The following ABTB2 variants were observed in gnomAD, a reference collection of about 807,000 sequenced individuals.
ABTB2 encodes ankyrin repeat and BTB/POZ domain-containing protein 2.
ABTB2 carries 56 observed loss-of-function variants against 104.1 expected under a neutral mutation model. That is an observed-to-expected ratio of 0.54 (90% CI 0.43 to 0.67). The LOEUF is 0.67. Ranked by LOEUF, ABTB2 falls within the 30% of genes least tolerant of loss-of-function variation. The pLI is 0.00. For synonymous variants in ABTB2, 606 were observed against 608.2 expected, an observed-to-expected ratio of 1.00 and a Z score of 0.05; for missense variants, 1,279 against 1,407.7, an observed-to-expected ratio of 0.91 and a Z score of 1.46.
At chr11:34,344,041 C>T (rs887811707) in intron 1 of ABTB2, among the ~76,000 whole-genome samples, 1 of 152,100 alleles carries the variant, frequency 6.6e-6, no homozygotes, top group Non-Finnish European at 1.5e-5. Flanking sequence ...CCAAACCATT[C>T]GGACACCACT....
At chr11:34,199,540 C>G (rs1304268716) in intron 2 of ABTB2, among the ~76,000 whole-genome samples, 1 of 152,172 alleles carries the variant, frequency 6.6e-6, no homozygotes, top group Non-Finnish European at 1.5e-5. Flanking sequence ...TGAAAATCAC[C>G]AGGTGAACTG....
At chr11:34,270,279 T>A (rs1453862649) in intron 1 of ABTB2, among the ~76,000 whole-genome samples, 1 of 151,542 alleles carries the variant, frequency 6.6e-6, no homozygotes, top group Non-Finnish European at 1.5e-5. Context: ...GGTTTCAGGA[T>A]CAAACATAGC....
At chr11:34,246,436 T>C (rs1853983790) in intron 1 of ABTB2, among the ~76,000 whole-genome samples, 1 of 151,776 alleles carries the variant, frequency 6.6e-6, no homozygotes, top group Non-Finnish European at 1.5e-5. Flanking sequence ...ACTCTGTCTT[T>C]ACTAAAAATA....
intron 1 of ABTB2, among the ~76,000 whole-genome samples, chr11:34,218,391 AT>A (rs1385788563): frequency 1.3e-5 from 2 of 151,848 alleles, no homozygotes; most frequent in Non-Finnish European, 2.9e-5. Context: ...GTCATCCTAG[AT>A]TTTTTTCCCC....
intron 1 of ABTB2, among the ~76,000 whole-genome samples, chr11:34,354,888 G>C (rs1393835597): frequency 2.0e-5 from 3 of 151,524 alleles, no homozygotes; most frequent in Non-Finnish European, 4.4e-5. Flanking sequence ...CAAAAGTACA[G>C]AACTCTTTCC....
chr11:34,238,680 C>T (rs751927571), intron 1 of ABTB2, among the ~76,000 whole-genome samples: 5 of 152,232 alleles, frequency 3.3e-5, no homozygotes, highest in African/African-American at 1.2e-4. Context: ...CCTGAGCTCA[C>T]AGCCTGAGCT....
intron 1 of ABTB2, among the ~76,000 whole-genome samples, chr11:34,235,652 T>C (rs1853831721): frequency 2.0e-5 from 3 of 152,162 alleles, no homozygotes; most frequent in African/African-American, 7.2e-5. Context: ...ATCAGAGCCA[T>C]CCAGGACCTG....
chr11:34,270,171 T>C lies in ABTB2; in HGVS notation c.884-65481A>G, dbSNP rs146324619. Among the ~76,000 whole-genome samples the C allele has an allele frequency of 5.1e-3, 770 of 152,286 alleles. 4 individuals carry two copies. Among genetic ancestry groups the C allele is most frequent in the Middle Eastern group, 0.034 (10 of 294 alleles). On this transcript the variant is annotated intron_variant, in intron 1 of 16. Transcript: ENST00000435224. Reference sequence around the variant, plus strand: ...AATCCTGCCGCAGTCAGGGTGTTGATGCAGGGCTGAGAATTCTCCTCTAGA... The same window carrying C: ...AATCCTGCCGCAGTCAGGGTGTTGACGCAGGGCTGAGAATTCTCCTCTAGA...
At chr11:34,306,137 T>C (rs1854767900) in intron 1 of ABTB2, among the ~76,000 whole-genome samples, 1 of 151,936 alleles carries the variant, frequency 6.6e-6, no homozygotes, top group Non-Finnish European at 1.5e-5. Flanking sequence ...CTCAGCACCA[T>C]GACTCTAAAC....
At position 34,302,563 on chromosome 11, in the gene ABTB2, A is replaced by G. The variant is rs1051227040; in HGVS notation, c.883+54138T>C. On this transcript the variant is annotated intron_variant, in intron 1 of 16. Coordinates refer to ENST00000435224, the MANE Select transcript of ABTB2 (RefSeq NM_145804.3). ...AGAAACACTGCCAAGACCTGAAATC[A>G]AGGGTTGACCTGGGCCTGCTATTTC... Among the ~76,000 whole-genome samples, 4 of 152,192 alleles carry G rather than the reference A, an allele frequency of 2.6e-5. 1 individual carries two copies. Among genetic ancestry groups the G allele is most frequent in the Non-Finnish European group, 5.9e-5 (4 of 68,034 alleles).
intron 1 of ABTB2, among the ~76,000 whole-genome samples, chr11:34,256,064 G>A (rs1854118760): frequency 6.6e-6 from 1 of 151,532 alleles, no homozygotes; most frequent in African/African-American, 2.4e-5. Flanking sequence ...AAACACCCTG[G>A]CACTAGCCCA....
At position 34,356,102 on chromosome 11, in the gene ABTB2, C is replaced by T. The variant is rs924639931; in HGVS notation, c.883+599G>A. ...CCCCAGGTTTCATCATTCCTGGGCACATATAGGTAAGAGCGAACCACTACC... is the reference window on the plus strand; with the variant it reads ...CCCCAGGTTTCATCATTCCTGGGCATATATAGGTAAGAGCGAACCACTACC... On this transcript the variant is annotated intron_variant, in intron 1 of 16. Coordinates refer to ENST00000435224, the MANE Select transcript of ABTB2 (RefSeq NM_145804.3). This position sits in a 1 kb window ranked among gnomAD's most constrained non-coding sequence, Gnocchi z 4.6. Among the ~76,000 whole-genome samples the T allele has an allele frequency of 1.3e-4, 20 of 152,140 alleles. No homozygotes were observed. Among genetic ancestry groups the T allele is most frequent in the African/African-American group, 4.1e-4 (17 of 41,414 alleles).
chr11:34,214,141 C>A (rs953045984), intron 1 of ABTB2, among the ~76,000 whole-genome samples: 2 of 104,054 alleles, frequency 1.9e-5, no homozygotes, highest in African/African-American at 6.9e-5. Context: ...ACATTCAAAA[C>A]ACACACACAC....
At chr11:34,220,266 A>G (rs1272493609) in intron 1 of ABTB2, among the ~76,000 whole-genome samples, 1 of 152,162 alleles carries the variant, frequency 6.6e-6, no homozygotes, top group Non-Finnish European at 1.5e-5. Context: ...TGACCTACCC[A>G]GCTCCATTCC....
At position 34,357,820 on chromosome 11, in the gene ABTB2, C is replaced by T; in HGVS notation, c.-237G>A. On this transcript the variant is annotated 5_prime_UTR_variant, in exon 1 of 17. Transcript: ENST00000435224. ...GACTCGCAGCTGCCACTGGAAAGAA[C>T]CCCGTCGCTACCCCCCGGCACTCCC... 1 of 504,478 alleles carries T rather than the reference C, an allele frequency of 2.0e-6. No homozygotes were observed. Among genetic ancestry groups the T allele is most frequent in the Non-Finnish European group, 3.5e-6 (1 of 286,798 alleles). 31.3% of individuals were successfully genotyped at this position (504,478 alleles called of 1,614,324 possible).
chr11:34,346,260 T>C (rs1855330195), intron 1 of ABTB2, among the ~76,000 whole-genome samples: 1 of 149,522 alleles, frequency 6.7e-6, no homozygotes, highest in Non-Finnish European at 1.5e-5. Flanking sequence ...TAAAGAAGGG[T>C]GTAGCATATT....
chr11:34,322,483 G>A (rs944057292), intron 1 of ABTB2, among the ~76,000 whole-genome samples: 1 of 152,060 alleles, frequency 6.6e-6, no homozygotes, highest in Non-Finnish European at 1.5e-5. Context: ...GCTGAGGCAG[G>A]ACAATCACTT....
At chr11:34,268,570 AG>A (rs1463024825) in intron 1 of ABTB2, among the ~76,000 whole-genome samples, 38 of 152,190 alleles carry the variant, frequency 2.5e-4, no homozygotes, top group Admixed American at 2.4e-3. Flanking sequence ...AGGTACTGGA[AG>A]GGTATTGGAA....
intron 1 of ABTB2, among the ~76,000 whole-genome samples, chr11:34,285,911 C>T (rs1353775464): frequency 1.3e-5 from 2 of 152,204 alleles, no homozygotes; most frequent in Non-Finnish European, 2.9e-5. Context: ...CAGCCTCTGT[C>T]CTGGGCCTAC....
Sources: allele counts gnomAD v4.1 joint callset (sites outside exome capture counted in the v4.1 genomes callset), GRCh38; gene constraint gnomAD v4.1.1; non-coding constraint Gnocchi (gnomAD v3.1); transcripts MANE v1.5; gene names NCBI Gene and HGNC (gene_info 2026-07-23, HGNC 2026-07-21).